DYRK1A: variants seen among roughly 807,000 people sequenced by gnomAD.
DYRK1A encodes the protein dual specificity tyrosine phosphorylation regulated kinase 1A, also known as dual specificity tyrosine-phosphorylation-regulated kinase 1A.
DYRK1A carries 9 observed loss-of-function variants against 79.7 expected under a neutral mutation model. That is an observed-to-expected ratio of 0.11 (90% CI 0.07 to 0.20). DYRK1A has a LOEUF of 0.20. DYRK1A is among the 10% of genes least tolerant of loss of function. The pLI, the probability that DYRK1A is intolerant of heterozygous loss-of-function variation, is 1.00. For missense variants in DYRK1A, 622 were observed against 956.0 expected, an observed-to-expected ratio of 0.65 and a Z score of 4.61; for synonymous variants, 349 against 329.7, an observed-to-expected ratio of 1.06 and a Z score of -0.63.
Position 37,516,045 on chromosome 21 carries a change from C to T in DYRK1A, c.*3514C>T. Reference sequence around the variant, plus strand: ...CAGGCACTCAGTTCTAGGCCAGTTTCTCAGTTTCCTTTGGGCCTGCCTTTA... The same window carrying T: ...CAGGCACTCAGTTCTAGGCCAGTTTTTCAGTTTCCTTTGGGCCTGCCTTTA... On this transcript the variant is annotated 3_prime_UTR_variant, in exon 12 of 12. Coordinates refer to ENST00000647188, the MANE Select transcript of DYRK1A (RefSeq NM_001347721.2). The T allele has an allele frequency of 6.6e-6, 1 of 152,162 alleles. No homozygotes were observed. The highest frequency in any genetic ancestry group is 1.9e-4 in the East Asian group (1 of 5,188). 9.4% of individuals were successfully genotyped at this position (152,162 alleles called of 1,614,324 possible). A position where few individuals can be genotyped will look rare whatever the true frequency, so the allele number is the denominator to read the frequency against.
At chr21:37,434,835 T>C (rs1244498941) in intron 2 of DYRK1A, among the ~76,000 whole-genome samples, 1 of 152,228 alleles carries the variant, frequency 6.6e-6, no homozygotes. Flanking sequence ...CTTTCCATTA[T>C]AGAATAAACA....
chr21:37,403,375 G>C (rs1031526508), intron 1 of DYRK1A, among the ~76,000 whole-genome samples: 1 of 151,990 alleles, frequency 6.6e-6, no homozygotes, highest in African/African-American at 2.4e-5. Flanking sequence ...CATGGGGTTG[G>C]TGTTTTACTG....
intron 1 of DYRK1A, among the ~76,000 whole-genome samples, chr21:37,377,035 A>T (rs987629231): frequency 6.6e-6 from 1 of 152,104 alleles, no homozygotes; most frequent in Non-Finnish European, 1.5e-5. Flanking sequence ...GTGTGTGTGT[A>T]TGTACACAGT....
chr21:37,415,411 A>G (rs1182027421), intron 1 of DYRK1A: 1 of 151,962 alleles, frequency 6.6e-6, no homozygotes, highest in East Asian at 1.9e-4. Context: ...TGCAAAATTG[A>G]CTCATCTGCT....
intron 5 of DYRK1A, among the ~76,000 whole-genome samples, chr21:37,484,938 G>A (rs2052801003): frequency 6.6e-6 from 1 of 152,116 alleles, no homozygotes; most frequent in African/African-American, 2.4e-5. Context: ...CACCAGAATA[G>A]TATCTTCTGT....
rs1360238475 is a variant in DYRK1A, at chr21:37,517,041, G to A, written c.*4510G>A. The A allele has an allele frequency of 1.3e-5, 2 of 152,244 alleles. No individual in the cohort carries two copies. The highest frequency in any genetic ancestry group is 1.3e-4 in the Admixed American group (2 of 15,296). 9.4% of individuals were successfully genotyped at this position (152,244 alleles called of 1,614,324 possible). On this transcript the variant is annotated 3_prime_UTR_variant, in exon 12 of 12. Transcript: ENST00000647188. ...AATTTCCATTTCAGTTGAATTTCCT[G>A]TCATCCCCAGCAAAACCTGTGAATC...
At chr21:37,392,091 G>A (rs958465936) in intron 1 of DYRK1A, among the ~76,000 whole-genome samples, 20 of 121,210 alleles carry the variant, frequency 1.7e-4, no homozygotes, top group Non-Finnish European at 3.9e-4. Flanking sequence ...TGTTAACACT[G>A]AATTTAACAA....
chr21:37,375,765 T>C (rs1236729475), intron 1 of DYRK1A, among the ~76,000 whole-genome samples: 1 of 151,980 alleles, frequency 6.6e-6, no homozygotes, highest in African/African-American at 2.4e-5. Flanking sequence ...GACCTTGGCC[T>C]CCCGAAGTGT....
chr21:37,455,797 C>T (rs1467564966), intron 2 of DYRK1A, among the ~76,000 whole-genome samples: 2 of 152,200 alleles, frequency 1.3e-5, no homozygotes, highest in Non-Finnish European at 2.9e-5. Context: ...CCATTTTAAA[C>T]ATTAACTCTT....
rs2053856771 is a variant in DYRK1A, at chr21:37,514,877, C to T, written c.*2346C>T. The T allele has an allele frequency of 6.6e-6, 1 of 152,266 alleles. No individual in the cohort carries two copies. Among genetic ancestry groups the T allele is most frequent in the African/African-American group, 2.4e-5 (1 of 41,344 alleles). The allele number at this position is 152,266 out of a possible 1,614,324, so 9.4% of individuals were successfully genotyped here. On this transcript the variant is annotated 3_prime_UTR_variant, in exon 12 of 12. Coordinates refer to ENST00000647188, the MANE Select transcript of DYRK1A (RefSeq NM_001347721.2). ...GCTGGTTGCCACATCTTAGCAAGCA[C>T]CAAAAAACTAAAGCAGTTTTTAAAC...
At chr21:37,400,243 GC>G (rs2050028592) in intron 1 of DYRK1A, among the ~76,000 whole-genome samples, 1 of 152,106 alleles carries the variant, frequency 6.6e-6, no homozygotes, top group South Asian at 2.1e-4. Flanking sequence ...ATTTGTGATG[GC>G]ATTTAGGGCC....
chr21:37,375,926 A>C (rs2049529851), intron 1 of DYRK1A, among the ~76,000 whole-genome samples: 1 of 151,862 alleles, frequency 6.6e-6, no homozygotes, highest in Non-Finnish European at 1.5e-5. Context: ...CTGTTTTTGC[A>C]CCCAAAAGTT....
chr21:37,506,239 G>A lies in DYRK1A; in HGVS notation c.1644+16G>A, dbSNP rs1173644232. 7 of 1,613,832 alleles carry A rather than the reference G, an allele frequency of 4.3e-6. No individual in the cohort carries two copies. The highest frequency in any genetic ancestry group is 5.9e-6 in the Non-Finnish European group (7 of 1,179,938). On this transcript the variant is annotated intron_variant, in intron 11 of 11. Transcript: ENST00000647188. ...CAGTCCCCAGGTGAGCTCGCACGTG[G>A]TTCATTTGCTTGTGTCACCTGCCAT...
At chr21:37,436,651 CTTTA>C (rs765610177) in intron 2 of DYRK1A, among the ~76,000 whole-genome samples, 27 of 152,122 alleles carry the variant, frequency 1.8e-4, no homozygotes, top group Admixed American at 5.9e-4. Flanking sequence ...TTGTTCTGGC[CTTTA>C]TTTAAGAGCA....
intron 1 of DYRK1A, among the ~76,000 whole-genome samples, chr21:37,386,974 G>T (rs2049773084): frequency 6.6e-6 from 1 of 152,180 alleles, no homozygotes; most frequent in Non-Finnish European, 1.5e-5. Flanking sequence ...ATTACACTTA[G>T]ACCAGTTAGG....
rs561009689 is a variant in DYRK1A, at chr21:37,420,856, T to C, written c.10+472T>C. Among the ~76,000 whole-genome samples, 27 of 152,244 alleles carry C rather than the reference T, an allele frequency of 1.8e-4. No homozygotes were observed. The South Asian group carries it at 3.5e-3, about 20-fold the overall frequency. On this transcript the variant is annotated intron_variant, in intron 2 of 11. Coordinates refer to ENST00000647188, the MANE Select transcript of DYRK1A (RefSeq NM_001347721.2). ...TGGGATTTTGTTTATTTTTTCCTTGTTCCCAATATCCCTGCCTCCCATTTC... is the reference window on the plus strand; with the variant it reads ...TGGGATTTTGTTTATTTTTTCCTTGCTCCCAATATCCCTGCCTCCCATTTC...
At chr21:37,369,368 G>T (rs548473937) in intron 1 of DYRK1A, among the ~76,000 whole-genome samples, 3 of 152,304 alleles carry the variant, frequency 2.0e-5, no homozygotes, top group South Asian at 4.1e-4. Context: ...AGCTGCAGAA[G>T]ATCATTTCAA....
At position 37,454,058 on chromosome 21, in the gene DYRK1A, G is replaced by T. The variant is rs147034007; in HGVS notation, c.11-18626G>T. Among the ~76,000 whole-genome samples, 1,048 of 117,908 alleles carry T rather than the reference G, an allele frequency of 8.9e-3. 16 individuals are homozygous for T. The highest frequency in any genetic ancestry group is 0.03 in the African/African-American group (935 of 31,162). 77.4% of individuals were successfully genotyped at this position (117,908 alleles called of 152,430 possible). A position where few individuals can be genotyped will look rare whatever the true frequency, so the allele number is the denominator to read the frequency against. On this transcript the variant is annotated intron_variant, in intron 2 of 11. Transcript: ENST00000647188. ...ACTTGAGTCCTCAATCTCCTACATT[G>T]TCTTTCATATTATGAGATGTAGTCT... is the stretch of plus-strand genomic sequence containing the variant.
intron 2 of DYRK1A, among the ~76,000 whole-genome samples, chr21:37,463,672 G>A (rs942455571): frequency 1.3e-5 from 2 of 152,170 alleles, no homozygotes; most frequent in Admixed American, 6.5e-5. Flanking sequence ...ACTGTTCTTG[G>A]TGCTGATGAT....
Sources: allele counts gnomAD v4.1 joint callset (sites outside exome capture counted in the v4.1 genomes callset), GRCh38; gene constraint gnomAD v4.1.1; transcripts MANE v1.5; gene names NCBI Gene and HGNC (gene_info 2026-07-23, HGNC 2026-07-21).